TSNAX: variants seen among roughly 807,000 people sequenced by gnomAD.
TSNAX encodes the protein translin-associated protein X.
Under a neutral mutation model 33.0 loss-of-function variants are expected in TSNAX, and 12 were observed. That is an observed-to-expected ratio of 0.36 (90% CI 0.23 to 0.59). The LOEUF (loss-of-function observed/expected upper bound fraction) is 0.59, where lower values mean the gene tolerates loss of function less well. TSNAX is among the 20% of genes least tolerant of loss of function. TSNAX has a pLI of 0.74. For missense variants in TSNAX, 267 were observed against 341.3 expected, an observed-to-expected ratio of 0.78 and a Z score of 1.72; for synonymous variants, 110 against 117.2, an observed-to-expected ratio of 0.94 and a Z score of 0.40.
intron 5 of TSNAX, among the ~76,000 whole-genome samples, chr1:231,562,955 A>G (rs968309658): frequency 3.9e-5 from 6 of 152,172 alleles, no homozygotes; most frequent in Admixed American, 3.3e-4. Flanking sequence ...ATTACCTGTG[A>G]TGTTTCTCGG....
At chr1:231,529,511 C>T (rs968302668) in intron 2 of TSNAX, 152 bp downstream of exon 2, 1 of 661,198 alleles carries the variant, frequency 1.5e-6, no homozygotes, top group Non-Finnish European at 2.5e-6. Context: ...GTCTGGATTA[C>T]AAAGGCCTTC....
chr1:231,536,236 A>AT (rs1264771981), intron 2 of TSNAX: 2 of 152,012 alleles, frequency 1.3e-5, no homozygotes, highest in Non-Finnish European at 2.9e-5. Flanking sequence ...ATTTTCAGTC[A>AT]TTTTTCCTTT....
intron 3 of TSNAX, among the ~76,000 whole-genome samples, chr1:231,538,242 C>T (rs1459924765): frequency 1.3e-5 from 2 of 152,166 alleles, no homozygotes; most frequent in Non-Finnish European, 2.9e-5. Context: ...AAGAAACTAA[C>T]TTAAACTAGT....
chr1:231,537,173 G>A (rs778554012), intron 2 of TSNAX, 40 bp from the exon 3 acceptor site: 5 of 1,446,516 alleles, frequency 3.5e-6, no homozygotes, highest in Non-Finnish European at 4.8e-6. Flanking sequence ...TAGGCTTTGA[G>A]TATAGAATAT....
intron 4 of TSNAX, among the ~76,000 whole-genome samples, chr1:231,560,789 C>T (rs1661060243): frequency 6.6e-6 from 1 of 151,346 alleles, no homozygotes; most frequent in East Asian, 1.9e-4. Context: ...GGCACAGTGG[C>T]CCAGAGATTA....
chr1:231,563,250 C>T (rs750383296), intron 5 of TSNAX, among the ~76,000 whole-genome samples: 2 of 152,120 alleles, frequency 1.3e-5, no homozygotes, highest in African/African-American at 2.4e-5. Context: ...TTATACATAC[C>T]GTCTTTTAAT....
intron 4 of TSNAX, among the ~76,000 whole-genome samples, chr1:231,554,354 A>G (rs1210992447): frequency 1.3e-5 from 2 of 152,182 alleles, no homozygotes; most frequent in Non-Finnish European, 2.9e-5. Context: ...GTGAGGAGAA[A>G]CAGATTATTA....
At chr1:231,529,600 A>C (rs1470141737) in intron 2 of TSNAX, among the ~76,000 whole-genome samples, 1 of 152,204 alleles carries the variant, frequency 6.6e-6, no homozygotes, top group Non-Finnish European at 1.5e-5. Flanking sequence ...ACATTAATTA[A>C]TATTTGACAT....
chr1:231,535,688 A>C (rs1435529034), intron 2 of TSNAX: 1 of 152,256 alleles, frequency 6.6e-6, no homozygotes. Context: ...TTCAGCATTA[A>C]GTGCTGATCG....
intron 4 of TSNAX, among the ~76,000 whole-genome samples, chr1:231,550,303 T>G (rs964978005): frequency 2.4e-4 from 37 of 152,124 alleles, no homozygotes; most frequent in Non-Finnish European, 5.1e-4. Flanking sequence ...GTGGAGGGAC[T>G]GGGGAGTTGC....
intron 4 of TSNAX, among the ~76,000 whole-genome samples, chr1:231,545,424 G>A (rs1355925027): frequency 2.0e-5 from 3 of 152,096 alleles, no homozygotes; most frequent in African/African-American, 2.4e-5. Context: ...ACAACAAAAC[G>A]TCAGGTCTGT....
At chr1:231,533,505 T>G (rs1473867002) in intron 2 of TSNAX, among the ~76,000 whole-genome samples, 1 of 152,244 alleles carries the variant, frequency 6.6e-6, no homozygotes, top group Non-Finnish European at 1.5e-5. Context: ...GCAACCACTT[T>G]GCTATCAAAG....
intron 4 of TSNAX, among the ~76,000 whole-genome samples, chr1:231,552,589 T>C (rs1267483325): frequency 6.6e-6 from 1 of 152,238 alleles, no homozygotes; most frequent in Non-Finnish European, 1.5e-5. Flanking sequence ...TTTTTAAAAA[T>C]TGAGACATTA....
intron 5 of TSNAX, among the ~76,000 whole-genome samples, chr1:231,564,251 A>T (rs1269602588): frequency 6.6e-6 from 1 of 152,186 alleles, no homozygotes; most frequent in African/African-American, 2.4e-5. Context: ...CATCAAGTGG[A>T]GTTGGAAATA....
intron 2 of TSNAX, among the ~76,000 whole-genome samples, chr1:231,533,296 A>G (rs1388709046): frequency 6.6e-6 from 1 of 152,098 alleles, no homozygotes; most frequent in Non-Finnish European, 1.5e-5. Flanking sequence ...ATGGGGTTTC[A>G]CTATATATTG....
intron 4 of TSNAX, among the ~76,000 whole-genome samples, chr1:231,551,798 T>TAAAAAAAAAAAAAAAAAAATA (rs750366346): frequency 1.3e-5 from 1 of 77,722 alleles, no homozygotes; most frequent in African/African-American, 4.0e-5. Flanking sequence ...TACAAAAAAG[T>TAAAAAAAAAAAAAAAAAAATA]AAAAAAAAAA....
chr1:231,534,275 G>A (rs1294049366), intron 2 of TSNAX: 2 of 152,176 alleles, frequency 1.3e-5, no homozygotes, highest in African/African-American at 4.8e-5. Context: ...GCTTCATAAA[G>A]AGTTTGGAGT....
rs143075233 is a variant in TSNAX, at chr1:231,536,973, C to T, written c.122-240C>T. On this transcript the variant is annotated intron_variant, in intron 2 of 5. Transcript: ENST00000366639. ...TCAGCCTCCCGAGTAGCTGGGACTA[C>T]AGGCACATGCCACCATGCCCAGCTA... 9.1e-3 allele frequency: 2,298 copies of T among 252,420 alleles called. 63 individuals carry two copies. Among genetic ancestry groups the T allele is most frequent in the African/African-American group, 0.048 (2,145 of 44,720 alleles). The allele number at this position is 252,420 out of a possible 1,614,324, so 15.6% of individuals were successfully genotyped here.
At chr1:231,557,950 G>A (rs564439649) in intron 4 of TSNAX, among the ~76,000 whole-genome samples, 108 of 152,248 alleles carry the variant, frequency 7.1e-4, no homozygotes, top group Middle Eastern at 3.4e-3. Context: ...GGGATTATAA[G>A]AGTAAAAGAG....
Sources: allele counts gnomAD v4.1 joint callset (sites outside exome capture counted in the v4.1 genomes callset), GRCh38; gene constraint gnomAD v4.1.1; transcripts MANE v1.5; gene names NCBI Gene and HGNC (gene_info 2026-07-23, HGNC 2026-07-21).